PHF21B: variants seen among roughly 807,000 people sequenced by gnomAD.
The protein encoded by PHF21B is PHD finger protein 21B.
PHF21B carries 22 observed loss-of-function variants against 62.2 expected under a neutral mutation model. The ratio of observed to expected loss-of-function variants is 0.35; its 90% CI spans 0.25 to 0.51. The LOEUF (loss-of-function observed/expected upper bound fraction) is 0.51. Among genes scored for constraint, PHF21B ranks in the 20% least tolerant of loss-of-function variants. The pLI is 0.97. For synonymous variants in PHF21B, 341 were observed against 314.7 expected (o/e 1.08, Z -0.88); for missense variants, 701 against 707.9 (o/e 0.99, Z 0.11).
intron 2 of PHF21B, among the ~76,000 whole-genome samples, chr22:44,939,271 G>A (rs1052583562): frequency 1.3e-5 from 2 of 152,240 alleles, no homozygotes; most frequent in African/African-American, 4.8e-5. Context: ...CACGGCTGGG[G>A]AGACTCTGAA....
In PHF21B at chr22:45,009,481, C is replaced by A. The variant is rs1267302111; in HGVS notation, c.54+15G>T. 8 of 1,531,508 alleles carry A rather than the reference C, an allele frequency of 5.2e-6. No individual in the cohort carries two copies. The highest frequency in any genetic ancestry group is 7.0e-6 in the Non-Finnish European group (8 of 1,145,718). 94.9% of individuals were successfully genotyped at this position (1,531,508 alleles called of 1,614,324 possible). A position where few individuals can be genotyped will look rare whatever the true frequency, so the allele number is the denominator to read the frequency against. ...ACACACTCCCCGGCCCCGGGCCCGG[C>A]CCCCGGCCACCTACCTGGTGGCGCG... On this transcript the variant is annotated intron_variant, in intron 1 of 12. Coordinates refer to ENST00000313237, the MANE Select transcript of PHF21B (RefSeq NM_138415.5). The surrounding 1 kb of genome is among the most constrained non-coding windows in gnomAD (Gnocchi z 5.9).
intron 8 of PHF21B, among the ~76,000 whole-genome samples, chr22:44,890,814 C>A (rs2070950102): frequency 6.6e-6 from 1 of 152,244 alleles, no homozygotes; most frequent in African/African-American, 2.4e-5. Context: ...ACAGAAGGAG[C>A]CCTCGGCTCC....
chr22:44,932,280 C>A (rs904901425), intron 2 of PHF21B, among the ~76,000 whole-genome samples: 3 of 152,212 alleles, frequency 2.0e-5, no homozygotes, highest in Non-Finnish European at 4.4e-5. Flanking sequence ...GAGGTGCTGC[C>A]TCTCTTGAGC....
At position 44,898,604 on chromosome 22, in the gene PHF21B, T is replaced by G. The variant is rs141204712; in HGVS notation, c.832-2521A>C. Among the ~76,000 whole-genome samples, 474 of 152,356 alleles carry G rather than the reference T, an allele frequency of 3.1e-3. 4 individuals are homozygous for G. Among genetic ancestry groups the G allele is most frequent in the African/African-American group, 0.011 (450 of 41,586 alleles). ...TAGATTTTTTTAAAAAGAGTATCGA[T>G]TTTTAAATTATAGTAAAAATTTTAA... is the stretch of plus-strand genomic sequence containing the variant. On this transcript the variant is annotated intron_variant, in intron 5 of 12. Transcript: ENST00000313237.
intron 7 of PHF21B, among the ~76,000 whole-genome samples, chr22:44,892,273 G>C (rs1962653485): frequency 6.6e-6 from 1 of 152,216 alleles, no homozygotes; most frequent in Admixed American, 6.5e-5. Flanking sequence ...AAGAGGAAGT[G>C]AATGGTATGA....
At chr22:44,957,075 T>C (rs1359657024) in intron 2 of PHF21B, among the ~76,000 whole-genome samples, 1 of 149,736 alleles carries the variant, frequency 6.7e-6, no homozygotes, top group Non-Finnish European at 1.5e-5. Flanking sequence ...AATGGCCACC[T>C]CCACCTCAGC....
At chr22:44,993,281 G>A (rs144749037) in intron 2 of PHF21B, among the ~76,000 whole-genome samples, 43 of 152,326 alleles carry the variant, frequency 2.8e-4, no homozygotes, top group African/African-American at 9.9e-4. Flanking sequence ...TCCAGCTTCA[G>A]ATATAAGCCC....
chr22:44,980,557 T>A (rs547181084), intron 2 of PHF21B, among the ~76,000 whole-genome samples: 136 of 152,128 alleles, frequency 8.9e-4, no homozygotes, highest in African/African-American at 3.0e-3. Context: ...GAGCTGTGTG[T>A]GATAAAGATT....
intron 2 of PHF21B, among the ~76,000 whole-genome samples, chr22:44,994,785 C>T (rs1224496119): frequency 6.6e-6 from 1 of 152,210 alleles, no homozygotes; most frequent in Non-Finnish European, 1.5e-5. Context: ...ATACAGGCTG[C>T]TGATTACGAT....
At chr22:44,936,721 A>C (rs568655799) in intron 2 of PHF21B, among the ~76,000 whole-genome samples, 1 of 152,296 alleles carries the variant, frequency 6.6e-6, no homozygotes, top group South Asian at 2.1e-4. Context: ...CCCCAGGTTA[A>C]TTTCACTTGT....
intron 2 of PHF21B, among the ~76,000 whole-genome samples, chr22:44,981,101 G>A (rs1243955350): frequency 6.6e-6 from 1 of 152,078 alleles, no homozygotes; most frequent in Non-Finnish European, 1.5e-5. Context: ...CCGTGTCTCT[G>A]GGACCAAAGG....
intron 2 of PHF21B, among the ~76,000 whole-genome samples, chr22:44,945,808 G>A (rs532213241): frequency 1.9e-4 from 29 of 152,192 alleles, no homozygotes; most frequent in South Asian, 6.2e-4. Context: ...CCTGAGTCTG[G>A]GGCTCCAAAG....
At chr22:44,932,071 G>A (rs149401633) in intron 2 of PHF21B, among the ~76,000 whole-genome samples, 11 of 152,342 alleles carry the variant, frequency 7.2e-5, no homozygotes, top group East Asian at 1.9e-4. Flanking sequence ...GGGTGAGGCC[G>A]TGTCACTCAA....
chr22:44,942,019 C>T (rs1312319136), intron 2 of PHF21B, among the ~76,000 whole-genome samples: 1 of 152,210 alleles, frequency 6.6e-6, no homozygotes, highest in Non-Finnish European at 1.5e-5. Context: ...AAGTCCACGA[C>T]ATGGCCCGAG....
At chr22:44,982,196 C>T (rs527702074) in intron 2 of PHF21B, among the ~76,000 whole-genome samples, 3 of 152,300 alleles carry the variant, frequency 2.0e-5, no homozygotes, top group Admixed American at 6.5e-5. Context: ...GAGGGGAACC[C>T]GGTGTCCCTG....
rs567447620 is a variant in PHF21B, at chr22:45,000,054, G to A, written c.120+8491C>T. Among the ~76,000 whole-genome samples the A allele has an allele frequency of 7.9e-5, 12 of 152,172 alleles. No individual in the cohort carries two copies. The South Asian group carries it at 2.1e-3, about 26-fold the overall frequency. On this transcript the variant is annotated intron_variant, in intron 2 of 12. Coordinates refer to ENST00000313237, the MANE Select transcript of PHF21B (RefSeq NM_138415.5). ...ATTATTAATCCCCTTTTATAACTAC[G>A]GAACCAGAGCCTCCAAGGCGGCAAA...
intron 2 of PHF21B, among the ~76,000 whole-genome samples, chr22:44,980,367 C>T (rs528421701): frequency 1.3e-5 from 2 of 152,280 alleles, no homozygotes; most frequent in Admixed American, 6.5e-5. Context: ...TAACATGTAG[C>T]GATGTGGACA....
intron 2 of PHF21B, among the ~76,000 whole-genome samples, chr22:44,976,840 G>A (rs12485092): frequency 1.6e-4 from 24 of 152,200 alleles, no homozygotes; most frequent in East Asian, 7.7e-4. Context: ...CATAGCACTC[G>A]GGTTAAGAAA....
chr22:44,998,825 C>T (rs371282989), intron 2 of PHF21B, among the ~76,000 whole-genome samples: 2 of 152,160 alleles, frequency 1.3e-5, no homozygotes, highest in Admixed American at 6.5e-5. Flanking sequence ...GGCTGCACCT[C>T]GGGAATCACG....
Sources: gnomAD v4.1 joint callset for allele counts (sites outside exome capture counted in the v4.1 genomes callset) on GRCh38, gnomAD v4.1.1 for gene constraint, Gnocchi (gnomAD v3.1) non-coding constraint, MANE v1.5 for transcripts, NCBI Gene and HGNC (gene_info 2026-07-23, HGNC 2026-07-21) for gene names.